DNAH5: variants seen among roughly 807,000 people sequenced by gnomAD.
DNAH5 encodes dynein axonemal heavy chain 5, also known as axonemal beta dynein heavy chain 5.
In DNAH5, 372 loss-of-function variants were observed where a neutral mutation model predicts 518.2. The ratio of observed to expected loss-of-function variants is 0.72; its 90% confidence interval spans 0.66 to 0.78. DNAH5 has a LOEUF of 0.78. Ranked by LOEUF, DNAH5 falls within the 30% of genes least tolerant of loss-of-function variation. The pLI is 0.00. For missense variants in DNAH5, 5,523 were observed against 5,687.0 expected (o/e 0.97, Z 0.93); for synonymous variants, 2,039 against 2,025.9 (o/e 1.01, Z -0.17).
chr5:13,956,662 T>C (rs1483309746), intron 1 of DNAH5, among the ~76,000 whole-genome samples: 1 of 152,242 alleles, frequency 6.6e-6, no homozygotes, highest in Non-Finnish European at 1.5e-5. Flanking sequence ...CTGCTTATCC[T>C]GCACTTCTAC....
At position 13,756,816 on chromosome 5, in the gene DNAH5, A is replaced by C. The variant is rs145820775; in HGVS notation, c.10419+2030T>G. The stretch of plus-strand genomic sequence containing the variant: ...TTTTCATCACCCAGGTATTAAGCCT[A>C]GTACTTGTCAGTTATTTTTCCTGAT... On this transcript the variant is annotated intron_variant, in intron 61 of 78. Coordinates refer to ENST00000265104, the MANE Select transcript of DNAH5 (RefSeq NM_001369.3). 6.7e-3 allele frequency among the ~76,000 whole-genome samples: 1,019 copies of C among 152,280 alleles called. 16 individuals are homozygous for C. The highest frequency in any genetic ancestry group is 0.023 in the African/African-American group (971 of 41,550).
intron 1 of DNAH5, among the ~76,000 whole-genome samples, chr5:13,943,810 T>C (rs1377061181): frequency 2.0e-5 from 3 of 152,224 alleles, no homozygotes; most frequent in Admixed American, 6.5e-5. Flanking sequence ...CTCCAATTTC[T>C]TCTGACGTTA....
Position 13,866,205 on chromosome 5 carries a change from A to G in DNAH5, c.4116+15T>C, listed in dbSNP as rs201947846. 8 of 1,612,246 alleles carry G rather than the reference A, an allele frequency of 5.0e-6. No individual in the cohort carries two copies. In the East Asian group the frequency reaches 8.9e-5, roughly 18 times the overall value. ...GTTTCATTGTTTAGAAAGTCATAGA[A>G]ACTAAAAAGATTACCTGAAACATGA... On this transcript the variant is annotated intron_variant, in intron 26 of 78. Transcript: ENST00000265104.
At chr5:13,900,163 C>T in intron 15 of DNAH5, 43 bp downstream of exon 15, 1 of 1,522,890 alleles carries the variant, frequency 6.6e-7, no homozygotes, top group Non-Finnish European at 9.1e-7. Flanking sequence ...TAATACATTC[C>T]AGAGCTAGCC....
In DNAH5 at chr5:13,894,768, C is replaced by T. The variant is rs1773696261; in HGVS notation, c.2313G>A (p.Glu771=). The T allele has an allele frequency of 4.3e-6, 7 of 1,614,136 alleles. No individual in the cohort carries two copies. Among genetic ancestry groups the T allele is most frequent in the Non-Finnish European group, 5.9e-6 (7 of 1,179,976 alleles). Residue 771 remains glutamate (E), a synonymous_variant, in exon 16 of 79, where the codon GAG becomes GAA. Transcript: ENST00000265104. ...RVKSKIPAAI[E]QLIVPHLAKV... is the part of the protein sequence containing the mutation. ...TGGCCAAGTGAGGGACAATCAATTG[C>T]TCAATGGCAGCAGGTATTTTTGACT...
intron 55 of DNAH5, 23 bp from the exon 56 acceptor site, chr5:13,771,003 T>G (rs1046246547): frequency 4.5e-6 from 7 of 1,549,156 alleles, no homozygotes; most frequent in Non-Finnish European, 6.2e-6. Flanking sequence ...AAGATGACAG[T>G]GTGTGAAATA....
rs1206391632 is a variant in DNAH5, at chr5:13,813,067, T to A, written c.7231-1244A>T. The stretch of plus-strand genomic sequence containing the variant: ...GTCAGCAACACAACTTTTCAATTAC[T>A]CTGCCCTCTAATAACTCTCAGAGCT... On this transcript the variant is annotated intron_variant, in intron 43 of 78. Transcript: ENST00000265104. Among the ~76,000 whole-genome samples the A allele has an allele frequency of 2.6e-5, 4 of 152,200 alleles. No individual in the cohort carries two copies. The East Asian group carries it at 7.7e-4, about 29-fold the overall frequency.
chr5:13,898,278 G>A (rs1004687278), intron 15 of DNAH5: 15 of 307,384 alleles, frequency 4.9e-5, no homozygotes, highest in African/African-American at 3.0e-4. Flanking sequence ...TTTGTTGCCT[G>A]AAACAGACAA....
In DNAH5 at chr5:13,911,305, T is replaced by A. The variant is rs7731143; in HGVS notation, c.1644+81A>T. 0.014 allele frequency: 14,752 copies of A among 1,057,752 alleles called. 1,009 individuals are homozygous for A. In the African/African-American group the frequency reaches 0.17, roughly 12 times the overall value. 65.5% of individuals were successfully genotyped at this position (1,057,752 alleles called of 1,614,324 possible). ...TGATGAAGATACCTCTGCCTTCTGATTGGGTAATGATTAACGGCATTATAC... is the reference window on the plus strand; with the variant it reads ...TGATGAAGATACCTCTGCCTTCTGAATGGGTAATGATTAACGGCATTATAC... On this transcript the variant is annotated intron_variant, in intron 12 of 78. Transcript: ENST00000265104.
At chr5:13,748,377 C>T (rs1749717452) in intron 65 of DNAH5, among the ~76,000 whole-genome samples, 2 of 152,014 alleles carry the variant, frequency 1.3e-5, no homozygotes, top group African/African-American at 4.8e-5. Flanking sequence ...TTTTTGGTTC[C>T]ATATGAACTT....
Position 13,691,296 on chromosome 5 carries a change from C to A in DNAH5, c.*688G>T, listed in dbSNP as rs1201624918. ...GTTGGGTTGATTTACATTGCTCCAGCAATTTGTGAGTGGATCAGTTTTACT... is the reference window on the plus strand; with the variant it reads ...GTTGGGTTGATTTACATTGCTCCAGAAATTTGTGAGTGGATCAGTTTTACT... On this transcript the variant is annotated 3_prime_UTR_variant, in exon 79 of 79. Coordinates refer to ENST00000265104, the MANE Select transcript of DNAH5 (RefSeq NM_001369.3). The A allele has an allele frequency of 1.3e-5, 2 of 152,120 alleles. No homozygotes were observed. Among genetic ancestry groups the A allele is most frequent in the Admixed American group, 6.6e-5 (1 of 15,264 alleles). 9.4% of individuals were successfully genotyped at this position (152,120 alleles called of 1,614,324 possible).
rs1769138706 is a variant in DNAH5, at chr5:13,865,669, T to C, written c.4354A>G (p.Arg1452Gly). 6.5e-7 allele frequency: 1 copy of C among 1,536,098 alleles called. No individual in the cohort carries two copies. The highest frequency in any genetic ancestry group is 1.7e-5 in the Admixed American group (1 of 59,926). The stretch of plus-strand genomic sequence containing the variant: ...CATGCTAAACATTTAATTTCTTACC[T>C]GTTCTGGAATTCTAAGAGTTCATTG... ...INNELLEFQN[R>G]CRKLPRALKD... Residue 1452 changes from arginine (R) to glycine (G), a missense_variant and splice_region_variant, in exon 27 of 79, where the codon AGA becomes GGA. By Grantham distance (125) the Arg-to-Gly change is moderately radical (BLOSUM62 -2). Around this residue, in one of 3 missense-constraint regions of DNAH5, gnomAD observed 5,121 missense variants for 5,223.3 expected, o/e 0.98. Coordinates refer to ENST00000265104, the MANE Select transcript of DNAH5 (RefSeq NM_001369.3).
intron 38 of DNAH5, among the ~76,000 whole-genome samples, chr5:13,825,925 A>T (rs1762837881): frequency 6.6e-6 from 1 of 152,268 alleles, no homozygotes. Context: ...GGTAATTGGG[A>T]GCAGTATGCC....
rs1752918368 is a variant in DNAH5, at chr5:13,769,044, G to A, written c.9813C>T (p.Asp3271=). Residue 3271 remains aspartate (D), a synonymous_variant, in exon 58 of 79, where the codon GAC becomes GAT. Coordinates refer to ENST00000265104, the MANE Select transcript of DNAH5 (RefSeq NM_001369.3). ...KVKDRAQAIV[D]SISKDKAIAE... ...CAATGGCTTTGTCTTTAGAGATGCT[G>A]TCCACAATGGCCTGGGCCCTGTCCT... 1.2e-6 allele frequency: 2 copies of A among 1,614,190 alleles called. No individual in the cohort carries two copies. Among genetic ancestry groups the A allele is most frequent in the East Asian group, 2.2e-5 (1 of 44,888 alleles).
intron 58 of DNAH5, 115 bp downstream of exon 58, chr5:13,768,845 T>A: frequency 8.3e-7 from 1 of 1,198,492 alleles, no homozygotes; most frequent in South Asian, 1.2e-5. Flanking sequence ...ATCACTCAAG[T>A]GGATAGAGCT....
rs1376029597 is a variant in DNAH5, at chr5:13,976,423, G to A, written c.12+35225C>T. Among the ~76,000 whole-genome samples, 3 of 152,022 alleles carry A rather than the reference G, an allele frequency of 2.0e-5. No homozygotes were observed. In the East Asian group the frequency reaches 5.8e-4, roughly 29 times the overall value. ...CAGCCAGGAGGTGAATCATCCCTTT[G>A]TCCAGAGTACCCATGCTGTATACAC... On this transcript the variant is annotated intron_variant, in intron 1 of 78. Transcript: ENST00000681290.
chr5:13,834,129 G>T (rs1764054022), intron 35 of DNAH5, among the ~76,000 whole-genome samples: 1 of 152,132 alleles, frequency 6.6e-6, no homozygotes, highest in South Asian at 2.1e-4. Context: ...GTTGGTTAAA[G>T]AAAAATAAAC....
At chr5:13,873,463 T>C (rs1770429439) in intron 22 of DNAH5, among the ~76,000 whole-genome samples, 1 of 152,096 alleles carries the variant, frequency 6.6e-6, no homozygotes, top group African/African-American at 2.4e-5. Flanking sequence ...AATATGCAAC[T>C]TCTCAAAACA....
intron 51 of DNAH5, among the ~76,000 whole-genome samples, chr5:13,787,486 T>C (rs529080131): frequency 1.3e-5 from 2 of 152,230 alleles, no homozygotes; most frequent in South Asian, 4.2e-4. Context: ...TCTGCAAAGC[T>C]CTCACTAATC....
Sources: gnomAD v4.1 joint callset for allele counts (sites outside exome capture counted in the v4.1 genomes callset) on GRCh38, gnomAD v4.1.1 for gene constraint, gnomAD v4.1.1 regional missense constraint, MANE v1.5 for transcripts, NCBI Gene and HGNC (gene_info 2026-07-23, HGNC 2026-07-21) for gene names.